The following GRIA1 variants were observed in gnomAD, a reference collection of about 807,000 sequenced individuals.
The protein encoded by GRIA1 is glutamate ionotropic receptor AMPA type subunit 1, also known as glutamate receptor 1.
Under a neutral mutation model 99.2 loss-of-function variants are expected in GRIA1, and 31 were observed. The observed-to-expected ratio is 0.31, with a 90% CI of 0.23 to 0.42. GRIA1 has a LOEUF of 0.42. Among genes scored for constraint, GRIA1 ranks in the 10% least tolerant of loss-of-function variants. GRIA1 has a pLI of 1.00. For missense variants in GRIA1, 782 were observed against 1,157.5 expected, an observed-to-expected ratio of 0.68 and a Z score of 4.71; for synonymous variants, 438 against 432.4, an observed-to-expected ratio of 1.01 and a Z score of -0.16.
At chr5:153,511,749 T>C (rs1756100648) in intron 2 of GRIA1, among the ~76,000 whole-genome samples, 1 of 152,218 alleles carries the variant, frequency 6.6e-6, no homozygotes, top group African/African-American at 2.4e-5. Flanking sequence ...CAAGGCCTCC[T>C]ACTCTTCCAG....
At chr5:153,685,301 A>G (rs1581466842) in intron 7 of GRIA1, among the ~76,000 whole-genome samples, 1 of 152,208 alleles carries the variant, frequency 6.6e-6, no homozygotes, top group Admixed American at 6.5e-5. Context: ...GATGACATTT[A>G]TCAGTCACCT....
At chr5:153,491,018 G>C (rs757788047) in intron 1 of GRIA1, 48 bp downstream of exon 1, 1 of 1,552,572 alleles carries the variant, frequency 6.4e-7, no homozygotes, top group South Asian at 1.1e-5. Context: ...TCTGGCCAGG[G>C]ATTTTTTTGG....
chr5:153,551,634 CCTT>C, intron 2 of GRIA1, among the ~76,000 whole-genome samples: 1 of 152,284 alleles, frequency 6.6e-6, no homozygotes, highest in South Asian at 2.1e-4. Context: ...TCAGAAGGCT[CCTT>C]CTCCCAGGAG....
chr5:153,603,738 A>T lies in GRIA1; in HGVS notation c.221-43190A>T, dbSNP rs1304100052. ...TGGTTAGTAAAGGACAGGCTGAGTG[A>T]ACAAGAAGGGACTGATCATGTCTTT... On this transcript the variant is annotated intron_variant, in intron 2 of 15. Transcript: ENST00000285900. Among the ~76,000 whole-genome samples, 3 of 152,186 alleles carry T rather than the reference A, an allele frequency of 2.0e-5. No homozygotes were observed. In the East Asian group the frequency reaches 5.8e-4, roughly 29 times the overall value.
At chr5:153,663,470 G>A (rs1230746146) in intron 5 of GRIA1, among the ~76,000 whole-genome samples, 1 of 152,156 alleles carries the variant, frequency 6.6e-6, no homozygotes, top group African/African-American at 2.4e-5. Context: ...CTACTTACTA[G>A]CTGTTTGTCC....
At chr5:153,745,252 C>T (rs1330329420) in intron 11 of GRIA1, among the ~76,000 whole-genome samples, 1 of 151,604 alleles carries the variant, frequency 6.6e-6, no homozygotes, top group African/African-American at 2.4e-5. Context: ...CCTTCCTTCT[C>T]TCTTCCTGAC....
intron 11 of GRIA1, among the ~76,000 whole-genome samples, chr5:153,716,734 T>A (rs1055484993): frequency 6.6e-6 from 1 of 152,188 alleles, no homozygotes; most frequent in Non-Finnish European, 1.5e-5. Context: ...GGAGAGGGCA[T>A]GTTGTTAACT....
In GRIA1 at chr5:153,745,301, A is replaced by AAAT. The variant is rs34088910; in HGVS notation, c.1824-19131_1824-19129dup. 2.3e-4 allele frequency among the ~76,000 whole-genome samples: 35 copies of AAAT among 151,082 alleles called. 1 individual carries two copies. Among genetic ancestry groups the AAAT allele is most frequent in the South Asian group, 8.4e-4 (4 of 4,786 alleles). On this transcript the variant is annotated intron_variant, in intron 11 of 15. Transcript: ENST00000285900. Reference sequence around the variant, plus strand: ...TCAAGTTAGAAATTACAAAAAAAAAAAATAGACTGGGCATGGTGGCTGACA... The same window carrying AAAT: ...TCAAGTTAGAAATTACAAAAAAAAAAAATAATAGACTGGGCATGGTGGCTGACA...
chr5:153,608,363 C>A (rs1395669046), intron 2 of GRIA1, among the ~76,000 whole-genome samples: 1 of 152,076 alleles, frequency 6.6e-6, no homozygotes, highest in Non-Finnish European at 1.5e-5. Flanking sequence ...TCTTTTTTCA[C>A]TTTATGAAAT....
chr5:153,724,108 C>T (rs759894783), intron 11 of GRIA1, among the ~76,000 whole-genome samples: 25 of 152,310 alleles, frequency 1.6e-4, no homozygotes, highest in Admixed American at 1.2e-3. Flanking sequence ...GGTTCTGCAG[C>T]CACCGCTGCT....
intron 13 of GRIA1, among the ~76,000 whole-genome samples, chr5:153,773,037 G>C (rs1199142722): frequency 2.6e-5 from 4 of 152,024 alleles, no homozygotes; most frequent in Admixed American, 6.6e-5. Flanking sequence ...GGAAATACTG[G>C]AGTGACATGA....
intron 11 of GRIA1, among the ~76,000 whole-genome samples, chr5:153,759,206 G>C (rs1029433086): frequency 1.3e-5 from 2 of 148,240 alleles, no homozygotes; most frequent in Non-Finnish European, 3.0e-5. Flanking sequence ...ATTTACAGAA[G>C]GAAATAAATC....
At chr5:153,780,780 C>A (rs1246608865) in intron 13 of GRIA1, among the ~76,000 whole-genome samples, 1 of 152,148 alleles carries the variant, frequency 6.6e-6, no homozygotes, top group Non-Finnish European at 1.5e-5. Flanking sequence ...TCCCTTTCGG[C>A]CCTCCACACT....
At chr5:153,795,658 C>T (rs375980761) in intron 14 of GRIA1, 15 of 918,592 alleles carry the variant, frequency 1.6e-5, no homozygotes, top group Middle Eastern at 2.2e-4. Flanking sequence ...CAGTGTCCTC[C>T]GAGCCTCAGA....
intron 5 of GRIA1, among the ~76,000 whole-genome samples, chr5:153,666,229 T>C (rs750976337): frequency 6.6e-6 from 1 of 152,190 alleles, no homozygotes; most frequent in African/African-American, 2.4e-5. Flanking sequence ...GTATTGAGCA[T>C]GCACCCTGAT....
At chr5:153,741,553 A>C (rs6877910) in intron 11 of GRIA1, among the ~76,000 whole-genome samples, 19,873 of 152,226 alleles carry the variant, frequency 0.13, 1,400 homozygotes, top group Middle Eastern at 0.25. Flanking sequence ...GTGTACACAT[A>C]CAGTGGAATA....
At chr5:153,739,542 T>C (rs1226082326) in intron 11 of GRIA1, among the ~76,000 whole-genome samples, 1 of 152,218 alleles carries the variant, frequency 6.6e-6, no homozygotes, top group Non-Finnish European at 1.5e-5. Flanking sequence ...GGTTCAGCTT[T>C]TAGGTTATAG....
At chr5:153,729,099 T>C (rs1420209794) in intron 11 of GRIA1, among the ~76,000 whole-genome samples, 9 of 150,094 alleles carry the variant, frequency 6.0e-5, no homozygotes, top group African/African-American at 2.0e-4. Context: ...GTGGATGAAA[T>C]TGGAAATCAT....
intron 8 of GRIA1, among the ~76,000 whole-genome samples, chr5:153,693,123 C>T (rs566638589): frequency 5.3e-5 from 8 of 152,160 alleles, no homozygotes; most frequent in African/African-American, 1.7e-4. Context: ...AAGACTCAGG[C>T]TCATGGACCC....
Sources: gnomAD v4.1 joint callset for allele counts (sites outside exome capture counted in the v4.1 genomes callset) on GRCh38, gnomAD v4.1.1 for gene constraint, MANE v1.5 for transcripts, NCBI Gene and HGNC (gene_info 2026-07-23, HGNC 2026-07-21) for gene names.